TRPC5: variants seen among roughly 807,000 people sequenced by gnomAD.
TRPC5 encodes short transient receptor potential channel 5.
A neutral mutation model predicts 56.5 loss-of-function variants in TRPC5; 9 were observed. That is an observed-to-expected ratio of 0.16 (90% CI 0.10 to 0.28). The LOEUF is 0.28. Among genes scored for constraint, TRPC5 ranks in the 10% least tolerant of loss-of-function variants. TRPC5 has a pLI of 1.00. For synonymous variants in TRPC5, 282 were observed against 278.5 expected (o/e 1.01, Z -0.13); for missense variants, 469 against 748.9 (o/e 0.63, Z 4.36).
chrX:111,946,252 A>G (rs1181354155), intron 2 of TRPC5, among the ~76,000 whole-genome samples: 1 of 111,990 alleles, frequency 8.9e-6, no homozygotes, highest in East Asian at 2.8e-4. Context: ...GGGAATGTGT[A>G]TGAAAGGGTC....
intron 1 of TRPC5, among the ~76,000 whole-genome samples, chrX:111,999,272 C>T (rs12832323): frequency 0.01 from 1,171 of 111,668 alleles, 8 homozygotes; most frequent in Non-Finnish European, 0.017. Context: ...CCTAGTCCCC[C>T]CTGCCCTTTC....
At chrX:112,011,361 C>T (rs145951091) in intron 1 of TRPC5, among the ~76,000 whole-genome samples, 43 of 111,033 alleles carry the variant, frequency 3.9e-4, no homozygotes, top group African/African-American at 1.2e-3. Flanking sequence ...TAGGGTTCTG[C>T]GGGATATGCA....
At chrX:111,844,985 C>A (rs1922885558) in intron 6 of TRPC5, among the ~76,000 whole-genome samples, 3 of 110,072 alleles carry the variant, frequency 2.7e-5, no homozygotes, top group Non-Finnish European at 1.9e-5. Flanking sequence ...GACCTGTAAT[C>A]CCAGCACTTT....
chrX:111,788,000 A>G (rs1945983189), intron 7 of TRPC5, among the ~76,000 whole-genome samples: 1 of 112,205 alleles, frequency 8.9e-6, no homozygotes, highest in Non-Finnish European at 1.9e-5. Context: ...AGGAGCTGGT[A>G]CCATTCCTTC....
At chrX:111,851,510 G>GGTGTGTGTGTGT (rs563243659) in intron 5 of TRPC5, among the ~76,000 whole-genome samples, 5 of 99,074 alleles carry the variant, frequency 5.0e-5, no homozygotes, top group East Asian at 3.1e-4. Flanking sequence ...GTATTAAGGT[G>GGTGTGTGTGTGT]GTGTGTGTGT....
intron 2 of TRPC5, among the ~76,000 whole-genome samples, chrX:111,939,942 T>C (rs1926720216): frequency 8.9e-6 from 1 of 111,934 alleles, no homozygotes; most frequent in Non-Finnish European, 1.9e-5. Flanking sequence ...TGGTTTGCTC[T>C]TGCTTTGGTA....
At chrX:111,965,681 C>T (rs1403042585) in intron 1 of TRPC5, among the ~76,000 whole-genome samples, 2 of 111,739 alleles carry the variant, frequency 1.8e-5, no homozygotes, top group East Asian at 5.6e-4. Context: ...CATTCAAAAC[C>T]ACTCAACTAC....
intron 1 of TRPC5, among the ~76,000 whole-genome samples, chrX:111,990,014 C>T (rs1025705625): frequency 2.7e-5 from 3 of 112,030 alleles, no homozygotes; most frequent in South Asian, 3.7e-4. Flanking sequence ...TGTTCTATTC[C>T]GAATTAAAAA....
chrX:111,934,261 T>A (rs1221699547), intron 2 of TRPC5, among the ~76,000 whole-genome samples: 1 of 110,250 alleles, frequency 9.1e-6, no homozygotes, highest in Non-Finnish European at 1.9e-5. Flanking sequence ...TCTGTTTTTT[T>A]TTTTGAGTAA....
intron 5 of TRPC5, 105 bp downstream of exon 5, chrX:111,852,193 C>CCAT: frequency 2.6e-6 from 2 of 757,449 alleles, no homozygotes; most frequent in Non-Finnish European, 3.8e-6. Flanking sequence ...ATGGATTGAG[C>CCAT]CATCATCATC....
At chrX:112,036,287 G>A (rs1929739814) in intron 1 of TRPC5, among the ~76,000 whole-genome samples, 2 of 112,084 alleles carry the variant, frequency 1.8e-5, no homozygotes, top group South Asian at 3.7e-4. Flanking sequence ...GTTGGGTACA[G>A]GATTTTCATT....
At chrX:111,852,522 G>C in intron 4 of TRPC5, 85 bp from the exon 5 acceptor site, 1 of 1,009,960 alleles carries the variant, frequency 9.9e-7, no homozygotes. Context: ...GGTGAATAAG[G>C]ATGAAATTAA....
At chrX:112,057,100 G>A (rs1046924057) in intron 1 of TRPC5, among the ~76,000 whole-genome samples, 4 of 111,560 alleles carry the variant, frequency 3.6e-5, no homozygotes, top group Non-Finnish European at 7.5e-5. Flanking sequence ...TCCTTTAGAC[G>A]CTCTGCCTAA....
chrX:111,815,264 T>C, intron 7 of TRPC5, among the ~76,000 whole-genome samples: 1 of 111,574 alleles, frequency 9.0e-6, no homozygotes. Context: ...CCTAGGGTGC[T>C]TGTCAAAATG....
chrX:111,932,483 G>A (rs1926443843), intron 2 of TRPC5, among the ~76,000 whole-genome samples: 1 of 109,655 alleles, frequency 9.1e-6, no homozygotes, highest in Non-Finnish European at 1.9e-5. Context: ...GATGAAAGAA[G>A]AGAGTGTCAA....
intron 1 of TRPC5, among the ~76,000 whole-genome samples, chrX:111,962,562 G>A (rs1230262634): frequency 8.9e-6 from 1 of 112,011 alleles, no homozygotes; most frequent in Non-Finnish European, 1.9e-5. Context: ...TGCTTCTTAT[G>A]GATAAGCAAA....
intron 7 of TRPC5, among the ~76,000 whole-genome samples, chrX:111,811,362 C>A (rs1359281413): frequency 8.9e-6 from 1 of 112,217 alleles, no homozygotes; most frequent in Non-Finnish European, 1.9e-5. Flanking sequence ...TTGATGAGAC[C>A]CTGAACTAAA....
chrX:111,864,559 A>G (rs1014947179), intron 3 of TRPC5, among the ~76,000 whole-genome samples: 17 of 111,965 alleles, frequency 1.5e-4, no homozygotes, highest in African/African-American at 5.5e-4. Context: ...CTCCAAACCC[A>G]GTTTGCTCCC....
intron 1 of TRPC5, among the ~76,000 whole-genome samples, chrX:111,998,964 T>A (rs1203580357): frequency 8.9e-6 from 1 of 112,263 alleles, no homozygotes; most frequent in African/African-American, 3.2e-5. Context: ...CTGGGATACA[T>A]GTGCAGAACA....
Sources: allele counts gnomAD v4.1 joint callset (sites outside exome capture counted in the v4.1 genomes callset), GRCh38; gene constraint gnomAD v4.1.1; transcripts MANE v1.5; gene names NCBI Gene and HGNC (gene_info 2026-07-23, HGNC 2026-07-21).